RANBP2: variants seen among roughly 807,000 people sequenced by gnomAD.
The protein encoded by RANBP2 is RAN binding protein 2, also known as E3 SUMO-protein ligase RanBP2.
RANBP2 carries 57 observed loss-of-function variants against 303.6 expected under a neutral mutation model. The ratio of observed to expected loss-of-function variants is 0.19; its 90% CI spans 0.15 to 0.23. The LOEUF (loss-of-function observed/expected upper bound fraction) is 0.23. RANBP2 is among the 10% of genes least tolerant of loss of function. The pLI is 1.00. For synonymous variants in RANBP2, 1,167 were observed against 1,301.5 expected (o/e 0.90, Z 2.23); for missense variants, 3,138 against 3,780.8 (o/e 0.83, Z 4.46).
At chr2:108,810,609 T>G in the RANBP2 span, among the ~76,000 whole-genome samples, 12 of 152,210 alleles carry the variant, frequency 7.9e-5, no homozygotes, top group African/African-American at 2.9e-4. Context: ...TCAGGAATAT[T>G]GGCCTGGAGT....
chr2:109,114,182 A>G, the RANBP2 span, among the ~76,000 whole-genome samples: 1 of 152,052 alleles, frequency 6.6e-6, no homozygotes, highest in African/African-American at 2.4e-5. Flanking sequence ...CTCTTTTTCT[A>G]TTGATTGGAA....
intron 1 of RANBP2, among the ~76,000 whole-genome samples, chr2:108,726,380 C>A (rs1323665181): frequency 6.6e-6 from 1 of 150,910 alleles, no homozygotes; most frequent in Non-Finnish European, 1.5e-5. Flanking sequence ...GCTGGCAGTT[C>A]ACATATGCAG....
At chr2:109,355,148 G>A in the RANBP2 span, among the ~76,000 whole-genome samples, 2 of 152,154 alleles carry the variant, frequency 1.3e-5, no homozygotes, top group Admixed American at 1.3e-4. Flanking sequence ...CAGGGAATAG[G>A]GAAAACAGCA....
At chr2:109,520,360 T>C in the RANBP2 span, among the ~76,000 whole-genome samples, 1 of 151,906 alleles carries the variant, frequency 6.6e-6, no homozygotes, top group African/African-American at 2.4e-5. Context: ...CCCAGCACTT[T>C]GGGAGGCTGA....
the RANBP2 span, among the ~76,000 whole-genome samples, chr2:109,500,573 A>G: frequency 6.6e-6 from 1 of 152,136 alleles, no homozygotes; most frequent in African/African-American, 2.4e-5. Context: ...GTTGGGCCTT[A>G]TTGATGTTGA....
chr2:109,434,418 G>A, the RANBP2 span, among the ~76,000 whole-genome samples: 2 of 152,196 alleles, frequency 1.3e-5, no homozygotes, highest in Non-Finnish European at 2.9e-5. Flanking sequence ...GACCTTCAGA[G>A]ATGTAAAGCC....
chr2:109,205,697 G>A, the RANBP2 span, among the ~76,000 whole-genome samples: 1 of 152,202 alleles, frequency 6.6e-6, no homozygotes, highest in Admixed American at 6.5e-5. Flanking sequence ...AGATCTCTGG[G>A]CAGAGGTGTT....
At chr2:109,702,332 A>G in the RANBP2 span, among the ~76,000 whole-genome samples, 1 of 152,300 alleles carries the variant, frequency 6.6e-6, no homozygotes. Flanking sequence ...AGATGAAGAG[A>G]CTACAAAACC....
chr2:108,889,800 G>T, the RANBP2 span, among the ~76,000 whole-genome samples: 1 of 152,096 alleles, frequency 6.6e-6, no homozygotes, highest in Non-Finnish European at 1.5e-5. Context: ...TTATTGATAT[G>T]TGAGGTTTTG....
At chr2:108,871,832 A>T in the RANBP2 span, among the ~76,000 whole-genome samples, 2 of 152,074 alleles carry the variant, frequency 1.3e-5, no homozygotes, top group South Asian at 4.1e-4. Flanking sequence ...GTCATAGTTT[A>T]TCTTTTTACC....
the RANBP2 span, among the ~76,000 whole-genome samples, chr2:109,486,675 ACACCTG>A: frequency 6.6e-6 from 1 of 152,056 alleles, no homozygotes; most frequent in African/African-American, 2.4e-5. Flanking sequence ...GGCCTTCACC[ACACCTG>A]CAGAGTTTGC....
the RANBP2 span, chr2:108,857,021 C>A: frequency 1.7e-6 from 1 of 581,404 alleles, no homozygotes; most frequent in Non-Finnish European, 2.5e-6. Flanking sequence ...ATTTTTCTGT[C>A]TTTATCTTGT....
the RANBP2 span, among the ~76,000 whole-genome samples, chr2:109,719,998 G>A: frequency 5.1e-4 from 77 of 152,230 alleles, no homozygotes; most frequent in African/African-American, 1.7e-3. Context: ...CTGTTCTACC[G>A]AGGACTCGTG....
chr2:109,660,633 T>C, the RANBP2 span, among the ~76,000 whole-genome samples: 1 of 152,290 alleles, frequency 6.6e-6, no homozygotes, highest in Non-Finnish European at 1.5e-5. Flanking sequence ...GCTGGATGAG[T>C]AGCCAGTTGG....
At chr2:109,492,084 G>A in the RANBP2 span, among the ~76,000 whole-genome samples, 20 of 152,302 alleles carry the variant, frequency 1.3e-4, no homozygotes, top group African/African-American at 4.6e-4. Context: ...TGGTGACCAC[G>A]TCCTCTGCCT....
chr2:109,444,759 G>A, the RANBP2 span, among the ~76,000 whole-genome samples: 10 of 152,158 alleles, frequency 6.6e-5, no homozygotes, highest in East Asian at 1.9e-4. Context: ...ACAAAGAGCC[G>A]CAAGCTCAGG....
At chr2:108,990,639 T>C in the RANBP2 span, among the ~76,000 whole-genome samples, 12 of 152,130 alleles carry the variant, frequency 7.9e-5, no homozygotes, top group South Asian at 1.5e-3. Flanking sequence ...CAGAAATGTA[T>C]GGGGCTGGGG....
the RANBP2 span, among the ~76,000 whole-genome samples, chr2:109,530,295 G>A: frequency 6.6e-6 from 1 of 152,130 alleles, no homozygotes; most frequent in Non-Finnish European, 1.5e-5. Context: ...CAGTCACGGC[G>A]ACGTTTGCTG....
chr2:109,198,019 G>A, the RANBP2 span, among the ~76,000 whole-genome samples: 5 of 152,282 alleles, frequency 3.3e-5, no homozygotes, highest in South Asian at 2.1e-4. Flanking sequence ...TTAAGTAAGC[G>A]GCAGGTTTCC....
Sources: allele counts gnomAD v4.1 joint callset (sites outside exome capture counted in the v4.1 genomes callset), GRCh38; gene constraint gnomAD v4.1.1; transcripts MANE v1.5; gene names NCBI Gene and HGNC (gene_info 2026-07-23, HGNC 2026-07-21).